DENND1A: variants seen among roughly 807,000 people sequenced by gnomAD.
The protein encoded by DENND1A is DENN domain containing 1A.
In DENND1A, 51 loss-of-function variants were observed where a neutral mutation model predicts 113.7. That is an observed-to-expected ratio of 0.45 (90% CI 0.36 to 0.57). DENND1A has a LOEUF of 0.57. Ranked by LOEUF, DENND1A falls within the 20% of genes least tolerant of loss-of-function variation. The probability of loss-of-function intolerance (pLI) is 0.00; values close to 1 mark genes in which losing one functional copy is unlikely to be tolerated. For synonymous variants in DENND1A, 565 were observed against 570.8 expected (o/e 0.99, Z 0.14); for missense variants, 1,258 against 1,395.9 (o/e 0.90, Z 1.57).
rs1462734609 is a variant in DENND1A at position 123,383,778 on chromosome 9, C to T, written c.1896G>A (p.Leu632=). 1.2e-6 allele frequency: 2 copies of T among 1,614,126 alleles called. No homozygotes were observed. The highest frequency in any genetic ancestry group is 1.7e-6 in the Non-Finnish European group (2 of 1,180,042). Residue 632 remains leucine, a synonymous_variant, in exon 23 of 24, where the codon CTG becomes CTA. Coordinates refer to ENST00000394215, the MANE Select transcript of DENND1A (RefSeq NM_001352964.2). ...TGTCCAGGTTGCTGAAGACGTCTTC[C>T]AGAAGGTCGATGCTGGCAGCCCGGT... The part of the protein sequence containing the change: ...PPDRAASIDL[L]EDVFSNLDME...
At chr9:123,734,142 TA>T (rs2068388950) in intron 5 of DENND1A, among the ~76,000 whole-genome samples, 1 of 152,246 alleles carries the variant, frequency 6.6e-6, no homozygotes, top group Non-Finnish European at 1.5e-5. Flanking sequence ...GTAACATTTT[TA>T]TTTTTTTATG....
In DENND1A at chr9:123,764,003, A is replaced by C. The variant is rs1439629989; in HGVS notation, c.182+5511T>G. ...CCAGAACTTGTTTTTAAGCTGTTGG[A>C]AATGATTCAGCAGAGGCAGAGATTT... On this transcript the variant is annotated intron_variant, in intron 4 of 23. Coordinates refer to ENST00000394215, the MANE Select transcript of DENND1A (RefSeq NM_001352964.2). The surrounding 1 kb of genome is among the most constrained non-coding windows in gnomAD (Gnocchi z 4.1). 1.3e-5 allele frequency among the ~76,000 whole-genome samples: 2 copies of C among 152,166 alleles called. No individual in the cohort carries two copies. Among genetic ancestry groups the C allele is most frequent in the Non-Finnish European group, 2.9e-5 (2 of 68,034 alleles).
intron 12 of DENND1A, among the ~76,000 whole-genome samples, 178 bp from the exon 13 acceptor site, chr9:123,557,873 T>C (rs1331030838): frequency 6.6e-6 from 1 of 152,006 alleles, no homozygotes; most frequent in Non-Finnish European, 1.5e-5. Context: ...ACACCTGTAG[T>C]CCCAGCTACT....
chr9:123,458,993 A>G (rs1233723173), intron 13 of DENND1A, among the ~76,000 whole-genome samples: 2 of 152,024 alleles, frequency 1.3e-5, no homozygotes. Context: ...AAAAAAACAA[A>G]ACAAAAAAAC....
chr9:123,701,874 A>C (rs1589726715), intron 5 of DENND1A, among the ~76,000 whole-genome samples: 1 of 152,254 alleles, frequency 6.6e-6, no homozygotes, highest in Admixed American at 6.5e-5. Context: ...GACTGGAATA[A>C]GTACCTACTT....
At chr9:123,822,569 ATATCCTC>A (rs1435065929) in intron 2 of DENND1A, among the ~76,000 whole-genome samples, 32 of 152,224 alleles carry the variant, frequency 2.1e-4, no homozygotes, top group African/African-American at 7.2e-4. Context: ...AAAATGGGAT[ATATCCTC>A]ATTTAGCTGC....
intron 3 of DENND1A, among the ~76,000 whole-genome samples, chr9:123,785,110 G>A (rs1237758208): frequency 1.3e-5 from 2 of 151,948 alleles, no homozygotes; most frequent in Non-Finnish European, 2.9e-5. Context: ...GAGGCTGAGG[G>A]AAGAGGATTG....
At chr9:123,448,038 T>C (rs1015571426) in intron 18 of DENND1A, among the ~76,000 whole-genome samples, 1 of 152,164 alleles carries the variant, frequency 6.6e-6, no homozygotes, top group Admixed American at 6.5e-5. Flanking sequence ...CACTAATAGA[T>C]CTGTCAACAG....
intron 5 of DENND1A, among the ~76,000 whole-genome samples, chr9:123,715,507 C>T (rs1173224766): frequency 6.6e-6 from 1 of 152,160 alleles, no homozygotes; most frequent in Non-Finnish European, 1.5e-5. Context: ...ACACAGGCTT[C>T]ATTAATGAAT....
Position 123,381,708 on chromosome 9 carries a change from C to A in DENND1A, c.2937G>T (p.Pro979=). ...LQPLGPPAVA[P]SRIRTLPLAR... Reference sequence around the variant, plus strand: ...CCAGGGGCAACGTTCGGATCCTCGACGGGGCAACTGCTGGGGGACCCAGCG... The same window carrying A: ...CCAGGGGCAACGTTCGGATCCTCGAAGGGGCAACTGCTGGGGGACCCAGCG... The change falls in exon 24 of 24, where the codon CCG becomes CCT. Residue 979 remains proline, a synonymous_variant. Coordinates refer to ENST00000394215, the MANE Select transcript of DENND1A (RefSeq NM_001352964.2). The surrounding 1 kb of genome is among the most constrained non-coding windows in gnomAD (Gnocchi z 4.7). The A allele has an allele frequency of 1.9e-6, 3 of 1,546,396 alleles. No homozygotes were observed. The highest frequency in any genetic ancestry group is 2.6e-6 in the Non-Finnish European group (3 of 1,145,604).
chr9:123,614,329 T>C (rs1430039036), intron 10 of DENND1A, among the ~76,000 whole-genome samples: 2 of 152,018 alleles, frequency 1.3e-5, no homozygotes, highest in East Asian at 1.9e-4. Context: ...GCCAGTCCTC[T>C]TGGTTCCAGG....
At position 123,915,332 on chromosome 9, in the gene DENND1A, T is replaced by C. The variant is rs1266456353; in HGVS notation, c.17+14557A>G. 3.3e-5 allele frequency among the ~76,000 whole-genome samples: 5 copies of C among 152,272 alleles called. No individual in the cohort carries two copies. The East Asian group carries it at 9.6e-4, about 29-fold the overall frequency. On this transcript the variant is annotated intron_variant, in intron 1 of 23. Coordinates refer to ENST00000394215, the MANE Select transcript of DENND1A (RefSeq NM_001352964.2). ...GGAGTTAAATACTTATATTTAAATA[T>C]TCATAATAACATTCCACTTTTAGAA...
At chr9:123,637,025 CACA>C (rs1333037432) in intron 9 of DENND1A, among the ~76,000 whole-genome samples, 18 of 152,136 alleles carry the variant, frequency 1.2e-4, no homozygotes, top group Admixed American at 7.2e-4. Flanking sequence ...CCTAATAGAT[CACA>C]ACTAGAGGCT....
chr9:123,472,926 AC>A (rs1472171235), intron 13 of DENND1A, among the ~76,000 whole-genome samples: 1 of 151,992 alleles, frequency 6.6e-6, no homozygotes, highest in East Asian at 1.9e-4. Flanking sequence ...TGGAGGATTA[AC>A]CCAGGGCAAG....
chr9:123,470,366 G>GCCAGGGGTTGCCTCACTCACA (rs1431887088), intron 13 of DENND1A, among the ~76,000 whole-genome samples: 3 of 152,144 alleles, frequency 2.0e-5, no homozygotes, highest in African/African-American at 7.2e-5. Flanking sequence ...CGTGGCCAGC[G>GCCAGGGGTTGCCTCACTCACA]CCAGGGGTTG....
At chr9:123,520,656 C>A (rs759925610) in intron 13 of DENND1A, among the ~76,000 whole-genome samples, 2 of 152,176 alleles carry the variant, frequency 1.3e-5, no homozygotes, top group Non-Finnish European at 1.5e-5. Flanking sequence ...TCTGATATTG[C>A]GATATAATCA....
At chr9:123,711,431 A>G (rs2066579378) in intron 5 of DENND1A, among the ~76,000 whole-genome samples, 1 of 145,624 alleles carries the variant, frequency 6.9e-6, no homozygotes, top group Non-Finnish European at 1.5e-5. Context: ...ACGCCACTGC[A>G]CTCCAGCCTG....
chr9:123,403,019 C>A (rs2043620500), intron 21 of DENND1A, among the ~76,000 whole-genome samples: 1 of 152,178 alleles, frequency 6.6e-6, no homozygotes, highest in African/African-American at 2.4e-5. Context: ...AGGTTCTCGG[C>A]CATGGAGGCC....
intron 2 of DENND1A, among the ~76,000 whole-genome samples, chr9:123,817,041 C>CA (rs1315177268): frequency 6.6e-6 from 1 of 152,056 alleles, no homozygotes; most frequent in African/African-American, 2.4e-5. Context: ...CCATGGGCTC[C>CA]AAAAAGGAAA....
Sources: allele counts gnomAD v4.1 joint callset (sites outside exome capture counted in the v4.1 genomes callset), GRCh38; gene constraint gnomAD v4.1.1; non-coding constraint Gnocchi (gnomAD v3.1); transcripts MANE v1.5; gene names NCBI Gene and HGNC (gene_info 2026-07-23, HGNC 2026-07-21).